Variants in PRKG1 observed in about 807,000 individuals in gnomAD.
PRKG1 encodes the protein protein kinase cGMP-dependent 1, also known as cGMP-dependent protein kinase 1.
PRKG1 carries 35 observed loss-of-function variants against 88.1 expected under a neutral mutation model. The ratio of observed to expected loss-of-function variants is 0.40; its 90% confidence interval spans 0.30 to 0.53. PRKG1 has a LOEUF of 0.53. Ranked by LOEUF, PRKG1 falls within the 20% of genes least tolerant of loss-of-function variation. The pLI is 0.59. For synonymous variants in PRKG1, 303 were observed against 292.5 expected, an observed-to-expected ratio of 1.04 and a Z score of -0.37; for missense variants, 540 against 839.8, an observed-to-expected ratio of 0.64 and a Z score of 4.41.
At chr10:51,203,622 G>A (rs1486155198) in intron 2 of PRKG1, among the ~76,000 whole-genome samples, 1 of 152,174 alleles carries the variant, frequency 6.6e-6, no homozygotes, top group East Asian at 1.9e-4. Flanking sequence ...TGGGTGAAAA[G>A]ACCTGCGCTT....
At chr10:51,519,483 G>C (rs1374858676) in intron 3 of PRKG1, among the ~76,000 whole-genome samples, 1 of 151,552 alleles carries the variant, frequency 6.6e-6, no homozygotes, top group Non-Finnish European at 1.5e-5. Context: ...AGAAACACTT[G>C]GAAAAAAACA....
intron 7 of PRKG1, among the ~76,000 whole-genome samples, chr10:52,086,149 A>G (rs1270251023): frequency 6.6e-6 from 1 of 151,984 alleles, no homozygotes; most frequent in Non-Finnish European, 1.5e-5. Flanking sequence ...TAATGTCAAA[A>G]TTATTCCAAA....
At chr10:52,279,209 A>T (rs1245525792) in intron 12 of PRKG1, among the ~76,000 whole-genome samples, 1 of 152,186 alleles carries the variant, frequency 6.6e-6, no homozygotes, top group Non-Finnish European at 1.5e-5. Context: ...ATACAATTAT[A>T]AAATTTTAAC....
intron 8 of PRKG1, among the ~76,000 whole-genome samples, chr10:52,144,956 G>C (rs1837691719): frequency 1.3e-5 from 2 of 152,158 alleles, no homozygotes; most frequent in Admixed American, 1.3e-4. Flanking sequence ...AAAAATAATA[G>C]ATGTATGTAA....
chr10:51,017,651 T>A (rs1332039603), intron 1 of PRKG1, among the ~76,000 whole-genome samples: 1 of 152,120 alleles, frequency 6.6e-6, no homozygotes, highest in East Asian at 1.9e-4. Context: ...GACTTCAAAT[T>A]TTTTCCTGGG....
chr10:52,013,466 G>T (rs556788140), intron 5 of PRKG1, among the ~76,000 whole-genome samples: 5 of 151,910 alleles, frequency 3.3e-5, no homozygotes, highest in Non-Finnish European at 5.9e-5. Flanking sequence ...GGAATGCACT[G>T]TGACTGGGAA....
At chr10:51,204,366 C>CTGTGTGTGTGTGTG (rs754207830) in intron 2 of PRKG1, among the ~76,000 whole-genome samples, 1 of 118,298 alleles carries the variant, frequency 8.5e-6, no homozygotes, top group African/African-American at 3.9e-5. Flanking sequence ...GAGTAGACCT[C>CTGTGTGTGTGTGTG]CGTGTGTGTG....
intron 9 of PRKG1, among the ~76,000 whole-genome samples, chr10:52,193,836 T>C (rs1317385775): frequency 6.6e-6 from 1 of 152,160 alleles, no homozygotes; most frequent in African/African-American, 2.4e-5. Context: ...AATTGGTTGC[T>C]TTTTTAAAAT....
In PRKG1 at chr10:51,670,735, C is replaced by CAAAA. The variant is rs1181738888; in HGVS notation, c.593-133844_593-133841dup. Among the ~76,000 whole-genome samples the CAAAA allele has an allele frequency of 3.4e-3, 392 of 116,674 alleles. 2 individuals carry two copies. The highest frequency in any genetic ancestry group is 7.2e-3 in the East Asian group (32 of 4,472). 76.5% of individuals were successfully genotyped at this position (116,674 alleles called of 152,430 possible). A position where few individuals can be genotyped will look rare whatever the true frequency, so the allele number is the denominator to read the frequency against. ...TGGGCGACAGAGCGAGACTCCGTCTCAAAAAAAAATAAATAAATAAATAAA... is the reference window on the plus strand; with the variant it reads ...TGGGCGACAGAGCGAGACTCCGTCTCAAAAAAAAAAAAATAAATAAATAAATAAA... On this transcript the variant is annotated intron_variant, in intron 3 of 17. Coordinates refer to ENST00000373980, the MANE Select transcript of PRKG1 (RefSeq NM_006258.4).
intron 5 of PRKG1, among the ~76,000 whole-genome samples, chr10:52,044,261 C>A (rs913038386): frequency 6.6e-6 from 1 of 152,014 alleles, no homozygotes; most frequent in Admixed American, 6.6e-5. Flanking sequence ...TAAGTGATTG[C>A]CTTTTGTCAT....
At chr10:51,260,270 T>C (rs1461602523) in intron 2 of PRKG1, among the ~76,000 whole-genome samples, 1 of 152,214 alleles carries the variant, frequency 6.6e-6, no homozygotes, top group Non-Finnish European at 1.5e-5. Flanking sequence ...GCTATTCTGA[T>C]TTAGTTTTGT....
intron 4 of PRKG1, among the ~76,000 whole-genome samples, chr10:51,858,987 C>G (rs1392160720): frequency 6.6e-6 from 1 of 152,112 alleles, no homozygotes; most frequent in Non-Finnish European, 1.5e-5. Flanking sequence ...GTATCTCTAA[C>G]ACAATGCACT....
intron 5 of PRKG1, among the ~76,000 whole-genome samples, chr10:51,951,067 G>GA (rs1317095518): frequency 3.9e-5 from 6 of 152,168 alleles, no homozygotes; most frequent in Non-Finnish European, 8.8e-5. Context: ...GCATTATTCA[G>GA]AAAAAAATCA....
At chr10:51,247,686 T>C (rs1226313566) in intron 2 of PRKG1, among the ~76,000 whole-genome samples, 1 of 151,986 alleles carries the variant, frequency 6.6e-6, no homozygotes, top group African/African-American at 2.4e-5. Flanking sequence ...GTAGAATGAA[T>C]GATACATCAA....
chr10:51,176,287 A>G (rs191174340), intron 2 of PRKG1, among the ~76,000 whole-genome samples: 20 of 152,262 alleles, frequency 1.3e-4, no homozygotes, highest in Non-Finnish European at 2.5e-4. Flanking sequence ...TCAGGGTCAT[A>G]TAGGCAGGCA....
chr10:51,968,738 G>A (rs777152614), intron 5 of PRKG1, among the ~76,000 whole-genome samples: 8 of 149,542 alleles, frequency 5.3e-5, no homozygotes, highest in Non-Finnish European at 7.4e-5. Flanking sequence ...CAGGATAATC[G>A]CTTAAATCCA....
intron 3 of PRKG1, among the ~76,000 whole-genome samples, chr10:51,563,365 C>T (rs1009831286): frequency 3.9e-5 from 6 of 151,930 alleles, no homozygotes; most frequent in Admixed American, 6.6e-5. Context: ...TATCCTGATC[C>T]GATCACTATG....
At chr10:51,575,098 C>G (rs924753804) in intron 3 of PRKG1, among the ~76,000 whole-genome samples, 3 of 151,962 alleles carry the variant, frequency 2.0e-5, no homozygotes, top group African/African-American at 7.2e-5. Context: ...CAAGTGAGAG[C>G]TGTGAGTTCC....
chr10:51,598,932 C>G (rs1838527999), intron 3 of PRKG1, among the ~76,000 whole-genome samples: 1 of 152,084 alleles, frequency 6.6e-6, no homozygotes. Context: ...ATGTGGGCAC[C>G]TGTGAGTGTG....
Sources: allele counts gnomAD v4.1 joint callset (sites outside exome capture counted in the v4.1 genomes callset), GRCh38; gene constraint gnomAD v4.1.1; transcripts MANE v1.5; gene names NCBI Gene and HGNC (gene_info 2026-07-23, HGNC 2026-07-21).